PCDHA9: variants seen among roughly 807,000 people sequenced by gnomAD.
PCDHA9 encodes the protein protocadherin alpha 9.
A neutral mutation model predicts 62.0 loss-of-function variants in PCDHA9; 62 were observed. The observed-to-expected ratio is 1.00, with a 90% CI of 0.81 to 1.23. The LOEUF is 1.23. Ranked by LOEUF, PCDHA9 falls within the 50% of genes most tolerant of loss-of-function variation. The pLI is 0.00. For synonymous variants in PCDHA9, 557 were observed against 567.6 expected, an observed-to-expected ratio of 0.98 and a Z score of 0.27; for missense variants, 1,205 against 1,249.8, an observed-to-expected ratio of 0.96 and a Z score of 0.54.
intron 1 of PCDHA9, 83 bp downstream of exon 1, chr5:140,850,972 T>C (rs2150504573): frequency 6.8e-7 from 1 of 1,465,332 alleles, no homozygotes; most frequent in African/African-American, 1.4e-5. Flanking sequence ...GCCGTTCAAA[T>C]AGTTTTATTC....
intron 1 of PCDHA9, among the ~76,000 whole-genome samples, chr5:140,949,849 G>A (rs1381006146): frequency 5.9e-5 from 9 of 151,472 alleles, no homozygotes; most frequent in Admixed American, 2.0e-4. Flanking sequence ...TTCTGTTTCC[G>A]CTTATCTGTT....
chr5:140,931,683 A>G (rs1482331530), intron 1 of PCDHA9, among the ~76,000 whole-genome samples: 2 of 151,950 alleles, frequency 1.3e-5, no homozygotes, highest in African/African-American at 4.8e-5. Flanking sequence ...AAATAAATGA[A>G]TTGTGATTCA....
chr5:140,944,689 A>T (rs1360975363), intron 1 of PCDHA9, among the ~76,000 whole-genome samples: 1 of 152,226 alleles, frequency 6.6e-6, no homozygotes, highest in Non-Finnish European at 1.5e-5. Context: ...TCCTATTAAT[A>T]ACAGTAATTA....
intron 1 of PCDHA9, chr5:140,869,913 C>G: frequency 6.2e-7 from 1 of 1,610,754 alleles, no homozygotes; most frequent in Non-Finnish European, 8.5e-7. Flanking sequence ...CAGACCGAGA[C>G]GAAGGAGTCA....
intron 1 of PCDHA9, among the ~76,000 whole-genome samples, chr5:140,912,818 A>T (rs2076075875): frequency 6.6e-6 from 1 of 152,052 alleles, no homozygotes; most frequent in South Asian, 2.1e-4. Context: ...TCATAAAGGG[A>T]TTTTGAATTT....
intron 1 of PCDHA9, chr5:140,929,486 T>G (rs1258020318): frequency 8.8e-7 from 1 of 1,141,828 alleles, no homozygotes; most frequent in Non-Finnish European, 1.2e-6. Flanking sequence ...TATAGAAGTA[T>G]TAGAAGATTG....
chr5:141,005,701 C>CAAAAAAAA (rs59860837), intron 3 of PCDHA9, among the ~76,000 whole-genome samples: 3 of 7,792 alleles, frequency 3.9e-4, no homozygotes, highest in East Asian at 6.4e-3. Flanking sequence ...AACTCCGTCT[C>CAAAAAAAA]AAAAAAAAAA....
chr5:140,854,880 T>C (rs1244023349), intron 1 of PCDHA9, among the ~76,000 whole-genome samples: 4 of 150,006 alleles, frequency 2.7e-5, no homozygotes, highest in African/African-American at 9.8e-5. Flanking sequence ...CTGTGTCTTT[T>C]GGGCATTTGA....
intron 1 of PCDHA9, among the ~76,000 whole-genome samples, chr5:140,917,533 T>C (rs1584058253): frequency 6.6e-6 from 1 of 152,346 alleles, no homozygotes; most frequent in East Asian, 1.9e-4. Context: ...GTTTGTATAG[T>C]TTTAGGTTTT....
chr5:140,862,807 C>T (rs782675641), intron 1 of PCDHA9: 1 of 572,850 alleles, frequency 1.7e-6, no homozygotes, highest in East Asian at 4.7e-5. Context: ...GGAGCTGCTG[C>T]AGTTCTAGGT....
chr5:140,851,458 A>G lies in PCDHA9; in HGVS notation c.2394+569A>G, dbSNP rs543530634. 8 of 902,168 alleles carry G rather than the reference A, an allele frequency of 8.9e-6. 1 individual carries two copies. The African/African-American group carries it at 1.4e-4, about 16-fold the overall frequency. 55.9% of individuals were successfully genotyped at this position (902,168 alleles called of 1,614,324 possible). ...ACAGTTGCTCCACTTTAGGAATCAA[A>G]TTATGTCAATAAATGTTATAAACAC... On this transcript the variant is annotated intron_variant, in intron 1 of 3. Coordinates refer to ENST00000532602, the MANE Select transcript of PCDHA9 (RefSeq NM_031857.2).
chr5:140,857,611 G>T, intron 1 of PCDHA9: 1 of 1,596,436 alleles, frequency 6.3e-7, no homozygotes, highest in Admixed American at 1.7e-5. Context: ...CGCTGCAGCC[G>T]CTGGACCACG....
At chr5:140,851,058 T>G in intron 1 of PCDHA9, 169 bp downstream of exon 1, 1 of 1,377,986 alleles carries the variant, frequency 7.3e-7, no homozygotes, top group African/African-American at 1.5e-5. Context: ...TTGTCTTGAC[T>G]TCTAGTGAGA....
intron 3 of PCDHA9, among the ~76,000 whole-genome samples, chr5:141,003,459 GCAC>G (rs1442979686): frequency 6.6e-6 from 1 of 152,028 alleles, no homozygotes; most frequent in African/African-American, 2.4e-5. Context: ...TTACAGGCGT[GCAC>G]CACCACAGTC....
In PCDHA9 at chr5:140,972,316, G is replaced by GT. The variant is rs112435719; in HGVS notation, c.2395-6621dup. On this transcript the variant is annotated intron_variant, in intron 1 of 3. Coordinates refer to ENST00000532602, the MANE Select transcript of PCDHA9 (RefSeq NM_031857.2). ...CACCGTGTCTGACTAGTTTTTAGGT[G>GT]TTTTTTTTTTTTGGAAGAGATGGGG... 6.7e-3 allele frequency among the ~76,000 whole-genome samples: 929 copies of GT among 139,652 alleles called. 6 individuals carry two copies. The highest frequency in any genetic ancestry group is 0.017 in the African/African-American group (645 of 38,294). The allele number at this position is 139,652 out of a possible 152,430, so 91.6% of individuals were successfully genotyped here.
At chr5:140,952,621 T>C (rs1002649302) in intron 1 of PCDHA9, among the ~76,000 whole-genome samples, 3 of 152,168 alleles carry the variant, frequency 2.0e-5, no homozygotes, top group Admixed American at 2.0e-4. Context: ...TCATCTTCCC[T>C]CCACACTATT....
At chr5:141,004,255 G>T (rs782648685) in intron 3 of PCDHA9, among the ~76,000 whole-genome samples, 2 of 152,190 alleles carry the variant, frequency 1.3e-5, no homozygotes, top group Non-Finnish European at 2.9e-5. Flanking sequence ...TTGTTTTACT[G>T]GAATGAGTCA....
rs781892034 is a variant in PCDHA9, at chr5:140,968,314, G to A, written c.2395-10635G>A. ...TTCTGGAGAGGGAGATTCAAGGGCT[G>A]CCAGTCACCTCCTATGTCTCCATTA... On this transcript the variant is annotated intron_variant, in intron 1 of 3. Transcript: ENST00000532602. The A allele has an allele frequency of 2.5e-6, 4 of 1,613,960 alleles. No individual in the cohort carries two copies. The South Asian group carries it at 4.4e-5, about 18-fold the overall frequency.
chr5:140,954,116 G>A (rs1190456994), intron 1 of PCDHA9, among the ~76,000 whole-genome samples: 2 of 152,118 alleles, frequency 1.3e-5, no homozygotes, highest in East Asian at 3.9e-4. Context: ...ACAAGATCTT[G>A]TTCCTTTTTA....
Sources: gnomAD v4.1 joint callset for allele counts (sites outside exome capture counted in the v4.1 genomes callset) on GRCh38, gnomAD v4.1.1 for gene constraint, MANE v1.5 for transcripts, NCBI Gene and HGNC (gene_info 2026-07-23, HGNC 2026-07-21) for gene names.